CFAP96: variants seen among roughly 807,000 people sequenced by gnomAD.
CFAP96 encodes cilia and flagella associated protein 96, also known as cilia-and flagella-associated protein 96.
chr4:185,439,810 TATACTC>T, the CFAP96 span, among the ~76,000 whole-genome samples: 1 of 38,664 alleles, frequency 2.6e-5, no homozygotes, highest in African/African-American at 4.9e-5. Context: ...GATATATACA[TATACTC>T]ATATATGTAT....
chr4:185,431,153 T>C, the CFAP96 span, among the ~76,000 whole-genome samples: 1 of 144,104 alleles, frequency 6.9e-6, no homozygotes, highest in Non-Finnish European at 1.5e-5. Flanking sequence ...GAGGTTGCAG[T>C]GAGCTGAGAT....
chr4:185,409,840 T>A, the CFAP96 span, among the ~76,000 whole-genome samples: 1 of 152,016 alleles, frequency 6.6e-6, no homozygotes, highest in East Asian at 1.9e-4. Flanking sequence ...GAGAAGGTAA[T>A]GTGACTGAGG....
the CFAP96 span, chr4:185,425,946 C>T: frequency 6.5e-7 from 1 of 1,533,952 alleles, no homozygotes; most frequent in Admixed American, 2.0e-5. Context: ...GGTGTCACCG[C>T]ACGGCCCAGG....
At chr4:185,425,072 A>G in the CFAP96 span, among the ~76,000 whole-genome samples, 1 of 152,352 alleles carries the variant, frequency 6.6e-6, no homozygotes. Context: ...AAGGCCAAGG[A>G]TGGTAAGAGT....
At chr4:185,444,986 C>T in the CFAP96 span, 6 of 1,551,070 alleles carry the variant, frequency 3.9e-6, no homozygotes, top group East Asian at 2.4e-5. Context: ...AAGGCAGGAA[C>T]ATTTGATCCT....
At chr4:185,425,886 G>A in the CFAP96 span, 663 of 1,599,588 alleles carry the variant, frequency 4.1e-4, 2 homozygotes, top group African/African-American at 7.7e-3. Context: ...ACGTGGCGGT[G>A]ACACGGGCGC....
the CFAP96 span, among the ~76,000 whole-genome samples, chr4:185,438,833 C>T: frequency 6.6e-6 from 1 of 152,200 alleles, no homozygotes; most frequent in African/African-American, 2.4e-5. Context: ...TGTCTAGGTA[C>T]TCCGTCCGAT....
At chr4:185,425,784 T>G in the CFAP96 span, 10 of 1,554,758 alleles carry the variant, frequency 6.4e-6, no homozygotes, top group Non-Finnish European at 8.7e-6. Flanking sequence ...CCAGCTCCTT[T>G]CAGGCGCTGT....
the CFAP96 span, among the ~76,000 whole-genome samples, chr4:185,423,920 C>T: frequency 6.6e-6 from 1 of 152,116 alleles, no homozygotes; most frequent in African/African-American, 2.4e-5. Context: ...AAACATATCT[C>T]TCAAACAGGC....
the CFAP96 span, among the ~76,000 whole-genome samples, chr4:185,446,353 CTT>C: frequency 6.6e-6 from 1 of 152,122 alleles, no homozygotes; most frequent in Non-Finnish European, 1.5e-5. Flanking sequence ...TGTCTTAAAA[CTT>C]TGATAATTTG....
the CFAP96 span, among the ~76,000 whole-genome samples, chr4:185,443,342 A>ATATATATATATATATATAT: frequency 1.5e-4 from 4 of 26,724 alleles, no homozygotes; most frequent in Admixed American, 5.2e-4. Flanking sequence ...ATATATATAT[A>ATATATATATATATATATAT]TTTTTTTTTT....
the CFAP96 span, among the ~76,000 whole-genome samples, chr4:185,427,717 G>A: frequency 2.0e-5 from 3 of 150,522 alleles, no homozygotes; most frequent in East Asian, 1.9e-4. Context: ...CTGAGATAGC[G>A]CCTCTGCATT....
the CFAP96 span, chr4:185,436,028 C>A: frequency 1.3e-6 from 2 of 1,489,270 alleles, no homozygotes; most frequent in Non-Finnish European, 1.8e-6. Flanking sequence ...TTTAAAACAT[C>A]AAAAAATTGT....
chr4:185,418,608 T>C, the CFAP96 span: 2 of 1,613,466 alleles, frequency 1.2e-6, no homozygotes, highest in Non-Finnish European at 1.7e-6. Flanking sequence ...CAGTATGTTC[T>C]TACAAGCAGA....
the CFAP96 span, among the ~76,000 whole-genome samples, chr4:185,411,819 A>G: frequency 6.6e-6 from 1 of 152,252 alleles, no homozygotes; most frequent in Non-Finnish European, 1.5e-5. Flanking sequence ...ACAAAATACC[A>G]GAGATGTTTG....
the CFAP96 span, among the ~76,000 whole-genome samples, chr4:185,439,338 A>G: frequency 6.6e-6 from 1 of 152,210 alleles, no homozygotes; most frequent in African/African-American, 2.4e-5. Flanking sequence ...GAATGAATGA[A>G]TGTCCTACAA....
At chr4:185,425,594 G>A in the CFAP96 span, among the ~76,000 whole-genome samples, 5 of 152,192 alleles carry the variant, frequency 3.3e-5, no homozygotes, top group Admixed American at 1.3e-4. Context: ...CTTCAAAAAC[G>A]CCGAAGTCTC....
chr4:185,422,378 T>C, the CFAP96 span: 1 of 822,938 alleles, frequency 1.2e-6, no homozygotes, highest in East Asian at 2.7e-5. Context: ...AACAATATAA[T>C]CTTAGTTCAT....
chr4:185,435,909 A>C, the CFAP96 span: 1 of 624,118 alleles, frequency 1.6e-6, no homozygotes, highest in Non-Finnish European at 2.6e-6. Context: ...GTGACTGAAG[A>C]ATGAGGAAAA....
Sources: gnomAD v4.1 joint callset for allele counts (sites outside exome capture counted in the v4.1 genomes callset) on GRCh38, gnomAD v4.1.1 for gene constraint, MANE v1.5 for transcripts, NCBI Gene and HGNC (gene_info 2026-07-23, HGNC 2026-07-21) for gene names.